SLIT1: variants seen among roughly 807,000 people sequenced by gnomAD.
SLIT1 encodes slit homolog 1 protein.
SLIT1 carries 66 observed loss-of-function variants against 186.1 expected under a neutral mutation model. The observed-to-expected ratio is 0.35, with a 90% CI of 0.29 to 0.44. The LOEUF is 0.44. Among genes scored for constraint, SLIT1 ranks in the 20% least tolerant of loss-of-function variants. SLIT1 has a pLI of 1.00. For missense variants in SLIT1, 1,638 were observed against 2,037.4 expected (o/e 0.80, Z 3.77); for synonymous variants, 761 against 833.8 (o/e 0.91, Z 1.50).
At chr10:97,132,048 A>T (rs548259764) in intron 4 of SLIT1, among the ~76,000 whole-genome samples, 2 of 152,218 alleles carry the variant, frequency 1.3e-5, no homozygotes, top group Non-Finnish European at 2.9e-5. Context: ...TTTAAAGTAG[A>T]AATGAAGCTC....
At chr10:97,071,267 G>C (rs879500355) in intron 4 of SLIT1, among the ~76,000 whole-genome samples, 3 of 152,168 alleles carry the variant, frequency 2.0e-5, no homozygotes, top group Non-Finnish European at 2.9e-5. Context: ...AGGGAGATGA[G>C]AGCATGTGCA....
Position 97,060,726 on chromosome 10 carries a change from C to T in SLIT1, c.855G>A (p.Met285Ile). ...CCACGATGCCATTGCTGCAGGTGCACATGGCCGGGCAGGAGCCGGAGGACA... is the reference window on the plus strand; with the variant it reads ...CCACGATGCCATTGCTGCAGGTGCATATGGCCGGGCAGGAGCCGGAGGACA... ...CTLSSGSCPAMCTCSNGIVDC... is the reference protein window; with the variant it reads ...CTLSSGSCPAICTCSNGIVDC... The change falls in exon 9 of 37, where the codon ATG (methionine) becomes ATA (isoleucine). Residue 285 changes from methionine (M) to isoleucine (I), a missense_variant. Coordinates refer to ENST00000266058, the MANE Select transcript of SLIT1 (RefSeq NM_003061.3). 1 of 1,613,720 alleles carries T rather than the reference C, an allele frequency of 6.2e-7. No homozygotes were observed. Among genetic ancestry groups the T allele is most frequent in the Non-Finnish European group, 8.5e-7 (1 of 1,179,978 alleles).
At chr10:97,032,246 GA>G (rs564859158) in intron 23 of SLIT1, among the ~76,000 whole-genome samples, 92 of 152,248 alleles carry the variant, frequency 6.0e-4, no homozygotes, top group Admixed American at 9.2e-4. Flanking sequence ...CTTGAGAGGT[GA>G]AAAAACTTCT....
At chr10:97,147,662 C>T (rs755725365) in intron 4 of SLIT1, among the ~76,000 whole-genome samples, 3 of 151,710 alleles carry the variant, frequency 2.0e-5, no homozygotes, top group Non-Finnish European at 1.5e-5. Flanking sequence ...TTGTGGGGGG[C>T]GACTGAGGCT....
intron 4 of SLIT1, among the ~76,000 whole-genome samples, chr10:97,119,888 A>G (rs796499537): frequency 4.1e-5 from 5 of 120,852 alleles, no homozygotes; most frequent in African/African-American, 1.5e-4. Flanking sequence ...GTTTAGGAGG[A>G]AATACATATT....
At chr10:97,173,100 CA>C (rs1190513041) in intron 1 of SLIT1, among the ~76,000 whole-genome samples, 1 of 152,062 alleles carries the variant, frequency 6.6e-6, no homozygotes, top group Non-Finnish European at 1.5e-5. Context: ...TAAGTGAGCC[CA>C]ATATGAGCAA....
rs1222940482 is a variant in SLIT1, at chr10:97,049,248, C to T, written c.1302-130G>A. The T allele has an allele frequency of 1.2e-5, 13 of 1,085,764 alleles. No individual in the cohort carries two copies. The East Asian group carries it at 1.3e-4, about 11-fold the overall frequency. 67.3% of individuals were successfully genotyped at this position (1,085,764 alleles called of 1,614,324 possible). On this transcript the variant is annotated intron_variant, in intron 13 of 36. Transcript: ENST00000266058. ...GTGGCCTGGAGCCTAGGGTCAGCCA[C>T]GGGGGGAAAGAGAGAGTGGGGTGAA...
At chr10:97,136,882 C>G (rs2134699288) in intron 4 of SLIT1, among the ~76,000 whole-genome samples, 1 of 152,310 alleles carries the variant, frequency 6.6e-6, no homozygotes, top group Admixed American at 6.5e-5. Flanking sequence ...ACAATGGAGA[C>G]AGGAGATCAG....
At chr10:97,056,756 AT>A (rs1230212672) in intron 12 of SLIT1, among the ~76,000 whole-genome samples, 2 of 128,420 alleles carry the variant, frequency 1.6e-5, no homozygotes, top group African/African-American at 7.0e-5. Context: ...TTGTGAAGGC[AT>A]TTTTGGGGGG....
chr10:97,048,879 G>GTA, intron 14 of SLIT1, 76 bp downstream of exon 14: 7 of 1,489,836 alleles, frequency 4.7e-6, no homozygotes, highest in Non-Finnish European at 6.4e-6. Context: ...AGGTATGCAG[G>GTA]TGGACAAGTA....
chr10:97,159,583 C>T (rs1589415835), intron 3 of SLIT1, among the ~76,000 whole-genome samples: 1 of 152,066 alleles, frequency 6.6e-6, no homozygotes, highest in Admixed American at 6.5e-5. Context: ...GGATTCAATG[C>T]CTAGTTTAAA....
At chr10:97,104,632 A>G (rs537043945) in intron 4 of SLIT1, among the ~76,000 whole-genome samples, 1 of 151,966 alleles carries the variant, frequency 6.6e-6, no homozygotes, top group African/African-American at 2.4e-5. Flanking sequence ...ACAAGGCCCA[A>G]TCCACACCTC....
chr10:97,110,977 G>T (rs1849458832), intron 4 of SLIT1, among the ~76,000 whole-genome samples: 1 of 152,278 alleles, frequency 6.6e-6, no homozygotes, highest in East Asian at 1.9e-4. Flanking sequence ...AATCACCTGA[G>T]GTCAGGAGTT....
chr10:97,109,406 T>G (rs570675484), intron 4 of SLIT1, among the ~76,000 whole-genome samples: 10 of 152,084 alleles, frequency 6.6e-5, no homozygotes, highest in Non-Finnish European at 1.2e-4. Flanking sequence ...CCAGAGGTGC[T>G]TAAAGGAAGA....
chr10:97,083,883 GT>G (rs1192945912), intron 4 of SLIT1, among the ~76,000 whole-genome samples: 4 of 152,198 alleles, frequency 2.6e-5, no homozygotes, highest in African/African-American at 9.6e-5. Flanking sequence ...AGAATGAAGA[GT>G]GTGGTGGGAG....
At position 97,006,701 on chromosome 10, in the gene SLIT1, G is replaced by A. The variant is rs1296807253; in HGVS notation, c.3361C>T (p.Pro1121Ser). The A allele has an allele frequency of 5.0e-6, 8 of 1,613,590 alleles. No individual in the cohort carries two copies. The highest frequency in any genetic ancestry group is 5.9e-6 in the Non-Finnish European group (7 of 1,179,712). The change falls in exon 32 of 37, where the codon CCT (proline) becomes TCT (serine). Residue 1121 changes from proline (P) to serine (S), a missense_variant. Transcript: ENST00000266058. The surrounding 1 kb of genome is among the most constrained non-coding windows in gnomAD (Gnocchi z 4.0). ...CTCTTGGGGGCAGGCAGATGGGGAG[G>A]GATCTCACAGAGCTGTCCACTGAGA... ...EGYSGQLCEI[P>S]PHLPAPKSPC...
In SLIT1 at chr10:97,048,948, C is replaced by A. The variant is rs1165051106; in HGVS notation, c.1465+7G>T. On this transcript the variant is annotated splice_region_variant and intron_variant, in intron 14 of 36. Coordinates refer to ENST00000266058, the MANE Select transcript of SLIT1 (RefSeq NM_003061.3). ...ACAGGTGGGCAGGTGGGCAGGCGGG[C>A]AGGTACCTGAGCACCGGAACTTCTT... 4 of 1,604,830 alleles carry A rather than the reference C, an allele frequency of 2.5e-6. No homozygotes were observed. The South Asian group carries it at 4.4e-5, about 18-fold the overall frequency.
chr10:97,024,310 C>T (rs945255974), intron 25 of SLIT1, among the ~76,000 whole-genome samples: 4 of 152,052 alleles, frequency 2.6e-5, no homozygotes, highest in African/African-American at 2.4e-5. Flanking sequence ...ACCTGGACTC[C>T]GGCCCCCATG....
intron 3 of SLIT1, among the ~76,000 whole-genome samples, chr10:97,161,791 G>A (rs1267675004): frequency 6.6e-6 from 1 of 152,134 alleles, no homozygotes; most frequent in Non-Finnish European, 1.5e-5. Flanking sequence ...AAAAAGAAAG[G>A]TGAGGTATCA....
Sources: gnomAD v4.1 joint callset for allele counts (sites outside exome capture counted in the v4.1 genomes callset) on GRCh38, gnomAD v4.1.1 for gene constraint, Gnocchi (gnomAD v3.1) non-coding constraint, MANE v1.5 for transcripts, NCBI Gene and HGNC (gene_info 2026-07-23, HGNC 2026-07-21) for gene names.